Variants in ADAMTSL3 observed in about 807,000 individuals in gnomAD.
ADAMTSL3 encodes the protein ADAMTS-like protein 3.
ADAMTSL3 carries 128 observed loss-of-function variants against 201.7 expected under a neutral mutation model. That is an observed-to-expected ratio of 0.63 (90% CI 0.55 to 0.73). ADAMTSL3 has a LOEUF of 0.73. ADAMTSL3 is among the 30% of genes least tolerant of loss of function. The pLI is 0.00. For synonymous variants in ADAMTSL3, 738 were observed against 748.4 expected (o/e 0.99, Z 0.23); for missense variants, 1,990 against 2,119.6 (o/e 0.94, Z 1.20).
chr15:83,740,274 C>T (rs1276086846), intron 3 of ADAMTSL3: 2 of 152,960 alleles, frequency 1.3e-5, no homozygotes, highest in African/African-American at 4.8e-5. Flanking sequence ...ACACAAAAAA[C>T]TCAGTAAATC....
chr15:83,863,621 A>G (rs1280203665), intron 8 of ADAMTSL3, among the ~76,000 whole-genome samples: 2 of 152,238 alleles, frequency 1.3e-5, no homozygotes, highest in Non-Finnish European at 2.9e-5. Context: ...AGCAGTATGT[A>G]GAGGGAAATT....
chr15:83,956,529 C>A (rs1288340717), intron 19 of ADAMTSL3, among the ~76,000 whole-genome samples: 1 of 152,160 alleles, frequency 6.6e-6, no homozygotes, highest in South Asian at 2.1e-4. Context: ...TTTTGCTAAG[C>A]ACTCTTCTAC....
At chr15:83,824,834 T>A (rs545139547) in intron 6 of ADAMTSL3, 2 of 152,322 alleles carry the variant, frequency 1.3e-5, no homozygotes, top group South Asian at 4.1e-4. Context: ...TTTCCTTTTT[T>A]TAATTTAAAA....
chr15:83,851,196 G>C (rs746973857), intron 7 of ADAMTSL3, among the ~76,000 whole-genome samples: 1 of 152,130 alleles, frequency 6.6e-6, no homozygotes, highest in Admixed American at 6.5e-5. Context: ...TTTAGTGGAG[G>C]GTTACAGAAA....
chr15:84,006,875 T>C (rs2067904561), intron 23 of ADAMTSL3, among the ~76,000 whole-genome samples: 1 of 151,850 alleles, frequency 6.6e-6, no homozygotes. Flanking sequence ...GGAGAGGGAG[T>C]TGGAGTTCAC....
At chr15:84,036,154 C>G (rs529874503) in intron 28 of ADAMTSL3, among the ~76,000 whole-genome samples, 2 of 152,176 alleles carry the variant, frequency 1.3e-5, no homozygotes, top group Non-Finnish European at 1.5e-5. Flanking sequence ...GCTCTATCCT[C>G]TTTAGCATGT....
intron 9 of ADAMTSL3, among the ~76,000 whole-genome samples, chr15:83,876,438 T>C (rs1339678165): frequency 3.0e-5 from 4 of 135,304 alleles, no homozygotes; most frequent in African/African-American, 1.2e-4. Context: ...CATTCTATTT[T>C]CATTTTTTTT....
At chr15:83,893,072 G>A (rs1013857028) in intron 13 of ADAMTSL3, among the ~76,000 whole-genome samples, 184 bp downstream of exon 13, 1 of 152,088 alleles carries the variant, frequency 6.6e-6, no homozygotes, top group African/African-American at 2.4e-5. Context: ...AAGCATCATG[G>A]TAGGTAAGGA....
chr15:83,665,185 G>A (rs1272366817), intron 2 of ADAMTSL3, among the ~76,000 whole-genome samples: 2 of 152,188 alleles, frequency 1.3e-5, no homozygotes, highest in African/African-American at 4.8e-5. Context: ...ACCTGAAGGA[G>A]TGGAACTTGG....
At chr15:83,658,103 A>AGTTTC (rs1413609571) in intron 2 of ADAMTSL3, among the ~76,000 whole-genome samples, 1 of 152,120 alleles carries the variant, frequency 6.6e-6, no homozygotes, top group African/African-American at 2.4e-5. Flanking sequence ...TAACAAATAG[A>AGTTTC]GTTTCCTTTC....
chr15:83,692,989 C>T lies in ADAMTSL3; in HGVS notation c.70-11400C>T, dbSNP rs75225423. 2.6e-4 allele frequency among the ~76,000 whole-genome samples: 39 copies of T among 152,182 alleles called. No homozygotes were observed. In the East Asian group the frequency reaches 7.4e-3, roughly 29 times the overall value. On this transcript the variant is annotated intron_variant, in intron 2 of 29. Transcript: ENST00000286744. The stretch of plus-strand genomic sequence containing the variant: ...GACCTTGAATAAACATGAATGTGTC[C>T]CCGACGTGTTTCTGGACTTTGTCAG...
At chr15:83,975,963 C>T (rs2067278610) in intron 20 of ADAMTSL3, among the ~76,000 whole-genome samples, 2 of 152,068 alleles carry the variant, frequency 1.3e-5, no homozygotes, top group Admixed American at 1.3e-4. Flanking sequence ...GAGAGTATGG[C>T]TGGGAGTCTA....
At chr15:83,936,776 C>T (rs1363957804) in intron 17 of ADAMTSL3, among the ~76,000 whole-genome samples, 1 of 150,824 alleles carries the variant, frequency 6.6e-6, no homozygotes, top group Non-Finnish European at 1.5e-5. Flanking sequence ...CCAGTGAAAG[C>T]TCAATATCTA....
At chr15:83,963,725 A>T (rs1254591330) in intron 19 of ADAMTSL3, among the ~76,000 whole-genome samples, 1 of 152,198 alleles carries the variant, frequency 6.6e-6, no homozygotes, top group African/African-American at 2.4e-5. Flanking sequence ...GACACCTCTC[A>T]GTAGGGGCTG....
intron 5 of ADAMTSL3, among the ~76,000 whole-genome samples, chr15:83,809,106 A>G (rs963730634): frequency 1.3e-4 from 20 of 152,260 alleles, no homozygotes; most frequent in African/African-American, 4.6e-4. Context: ...AAGACATTGT[A>G]TATCTCAATT....
chr15:83,938,059 T>TA (rs2066492248), intron 17 of ADAMTSL3, among the ~76,000 whole-genome samples: 1 of 147,284 alleles, frequency 6.8e-6, no homozygotes, highest in Non-Finnish European at 1.5e-5. Flanking sequence ...ATATTTAATC[T>TA]AAAAAAGTTT....
At chr15:83,994,581 T>G (rs2067644352) in intron 23 of ADAMTSL3, among the ~76,000 whole-genome samples, 1 of 134,952 alleles carries the variant, frequency 7.4e-6, no homozygotes, top group Non-Finnish European at 1.5e-5. Context: ...TTTTTTTGTT[T>G]TTTCGTTTTT....
At chr15:83,692,933 C>T (rs1238909689) in intron 2 of ADAMTSL3, among the ~76,000 whole-genome samples, 1 of 152,146 alleles carries the variant, frequency 6.6e-6, no homozygotes, top group Non-Finnish European at 1.5e-5. Flanking sequence ...GAGCTGTTTC[C>T]TGAAAGAAAT....
chr15:83,973,751 C>T (rs1477359846), intron 20 of ADAMTSL3, among the ~76,000 whole-genome samples: 1 of 152,142 alleles, frequency 6.6e-6, no homozygotes, highest in Non-Finnish European at 1.5e-5. Flanking sequence ...CACCTCAAAT[C>T]TACCCCCTCT....
Sources: allele counts gnomAD v4.1 joint callset (sites outside exome capture counted in the v4.1 genomes callset), GRCh38; gene constraint gnomAD v4.1.1; transcripts MANE v1.5; gene names NCBI Gene and HGNC (gene_info 2026-07-23, HGNC 2026-07-21).